Variants in ZFHX3 observed in about 807,000 individuals in gnomAD.
ZFHX3 encodes zinc finger homeobox protein 3.
Under a neutral mutation model 279.1 loss-of-function variants are expected in ZFHX3, and 42 were observed. The ratio of observed to expected loss-of-function variants is 0.15; its 90% CI spans 0.12 to 0.19. The LOEUF (loss-of-function observed/expected upper bound fraction) is 0.19. Ranked by LOEUF, ZFHX3 falls within the 10% of genes least tolerant of loss-of-function variation. The probability of loss-of-function intolerance (pLI) is 1.00; values close to 1 mark genes in which losing one functional copy is unlikely to be tolerated. For missense variants in ZFHX3, 4,981 were observed against 4,754.0 expected (o/e 1.05, Z -1.40); for synonymous variants, 2,293 against 1,957.8 (o/e 1.17, Z -4.52).
intron 1 of ZFHX3, among the ~76,000 whole-genome samples, chr16:73,025,200 A>G (rs1964454046): frequency 6.6e-6 from 1 of 152,132 alleles, no homozygotes; most frequent in South Asian, 2.1e-4. Context: ...TATGAAAGTT[A>G]AACAGGAACG....
At chr16:72,877,286 G>T (rs574537741) in intron 4 of ZFHX3, among the ~76,000 whole-genome samples, 1 of 152,172 alleles carries the variant, frequency 6.6e-6, no homozygotes, top group Non-Finnish European at 1.5e-5. Flanking sequence ...CTCAAGAATC[G>T]GATAATGACC....
At chr16:73,371,392 T>A (rs2016626639) in intron 3 of ZFHX3, among the ~76,000 whole-genome samples, 1 of 151,986 alleles carries the variant, frequency 6.6e-6, no homozygotes, top group Non-Finnish European at 1.5e-5. Flanking sequence ...CAATTTTTTA[T>A]TTTATTTTTT....
At chr16:73,315,222 A>G (rs1449140962) in intron 4 of ZFHX3, among the ~76,000 whole-genome samples, 3 of 150,484 alleles carry the variant, frequency 2.0e-5, no homozygotes, top group Non-Finnish European at 4.5e-5. Context: ...TCAAAAAGAA[A>G]AAAAAAAAAA....
chr16:72,920,954 C>G (rs1011864591), intron 3 of ZFHX3, among the ~76,000 whole-genome samples: 2 of 151,204 alleles, frequency 1.3e-5, no homozygotes, highest in African/African-American at 2.4e-5. Flanking sequence ...TGCCTGTATT[C>G]CTAGCCACTT....
At chr16:73,210,921 T>C (rs943420840) in intron 5 of ZFHX3, among the ~76,000 whole-genome samples, 4 of 152,302 alleles carry the variant, frequency 2.6e-5, no homozygotes, top group East Asian at 1.9e-4. Flanking sequence ...CTTCCAATGA[T>C]TGAATGATGA....
chr16:72,974,882 T>A (rs1346286285), intron 1 of ZFHX3, among the ~76,000 whole-genome samples: 1 of 152,170 alleles, frequency 6.6e-6, no homozygotes, highest in East Asian at 1.9e-4. Flanking sequence ...GGAGGCATGC[T>A]ATGCACAGAG....
chr16:73,542,422 C>T (rs2020034991), intron 2 of ZFHX3, among the ~76,000 whole-genome samples: 1 of 152,112 alleles, frequency 6.6e-6, no homozygotes, highest in African/African-American at 2.4e-5. Flanking sequence ...GGACAGACAC[C>T]TGTCCATTGT....
intron 5 of ZFHX3, among the ~76,000 whole-genome samples, chr16:73,237,656 G>T (rs2012996165): frequency 6.6e-6 from 1 of 150,602 alleles, no homozygotes; most frequent in Non-Finnish European, 1.5e-5. Flanking sequence ...ACAGGCATGA[G>T]CCACTATGCC....
intron 2 of ZFHX3, among the ~76,000 whole-genome samples, chr16:73,677,119 C>G (rs901307404): frequency 6.6e-6 from 1 of 151,852 alleles, no homozygotes; most frequent in Non-Finnish European, 1.5e-5. Context: ...ACCATGGATT[C>G]TTTTCCAAAG....
At chr16:73,625,916 G>T (rs1031169042) in intron 2 of ZFHX3, among the ~76,000 whole-genome samples, 4 of 152,114 alleles carry the variant, frequency 2.6e-5, no homozygotes, top group Admixed American at 2.6e-4. Flanking sequence ...GGAGTTCAGC[G>T]GCACGATCTC....
chr16:73,337,939 T>C (rs1366969520), intron 3 of ZFHX3, among the ~76,000 whole-genome samples: 5 of 143,260 alleles, frequency 3.5e-5, no homozygotes, highest in East Asian at 2.0e-4. Flanking sequence ...CTCTGCCTCA[T>C]GTTTTGCTTC....
At chr16:73,810,651 T>C (rs949893966) in intron 1 of ZFHX3, among the ~76,000 whole-genome samples, 7 of 151,978 alleles carry the variant, frequency 4.6e-5, no homozygotes, top group Non-Finnish European at 8.8e-5. Context: ...AAAGAAGAAA[T>C]AGAAGCTCAA....
At chr16:73,183,441 C>G (rs1488644339) in intron 5 of ZFHX3, among the ~76,000 whole-genome samples, 1 of 152,216 alleles carries the variant, frequency 6.6e-6, no homozygotes, top group African/African-American at 2.4e-5. Flanking sequence ...GGCTTGCTCT[C>G]TGGTCCTTTT....
intron 1 of ZFHX3, among the ~76,000 whole-genome samples, chr16:73,740,584 G>C (rs1339845718): frequency 2.0e-5 from 3 of 152,104 alleles, no homozygotes; most frequent in Admixed American, 6.6e-5. Context: ...ATCCATAATA[G>C]GATGGTATTC....
At chr16:73,777,849 C>CA (rs1555501063) in intron 1 of ZFHX3, among the ~76,000 whole-genome samples, 1 of 151,386 alleles carries the variant, frequency 6.6e-6, no homozygotes, top group African/African-American at 2.4e-5. Context: ...AGAACTGGGA[C>CA]TTTTTTTTTC....
intron 5 of ZFHX3, among the ~76,000 whole-genome samples, chr16:73,179,727 G>C (rs1202715806): frequency 6.6e-6 from 1 of 152,094 alleles, no homozygotes; most frequent in Non-Finnish European, 1.5e-5. Context: ...TCCTTTATAC[G>C]CATCTTGGAT....
At chr16:73,729,682 T>A (rs1022714255) in intron 1 of ZFHX3, among the ~76,000 whole-genome samples, 1 of 152,114 alleles carries the variant, frequency 6.6e-6, no homozygotes, top group African/African-American at 2.4e-5. Flanking sequence ...TCTCCCGCAA[T>A]CTTGGCATAC....
chr16:73,577,793 A>G (rs2051816165), intron 2 of ZFHX3, among the ~76,000 whole-genome samples: 1 of 152,240 alleles, frequency 6.6e-6, no homozygotes, highest in Non-Finnish European at 1.5e-5. Flanking sequence ...GTTCCGCCAT[A>G]GTTTTATAGT....
At chr16:73,509,312 T>C (rs900181733) in intron 2 of ZFHX3, among the ~76,000 whole-genome samples, 6 of 152,048 alleles carry the variant, frequency 3.9e-5, no homozygotes, top group South Asian at 2.1e-4. Context: ...CCGGTTCTCA[T>C]CTCTTCTTCA....
Sources: gnomAD v4.1 joint callset for allele counts (sites outside exome capture counted in the v4.1 genomes callset) on GRCh38, gnomAD v4.1.1 for gene constraint, MANE v1.5 for transcripts, NCBI Gene and HGNC (gene_info 2026-07-23, HGNC 2026-07-21) for gene names.